The following MAGI2 variants were observed in gnomAD, a reference collection of about 807,000 sequenced individuals.
MAGI2 encodes the protein membrane associated guanylate kinase, WW and PDZ domain containing 2.
Under a neutral mutation model 133.3 loss-of-function variants are expected in MAGI2, and 35 were observed. The ratio of observed to expected loss-of-function variants is 0.26; its 90% CI spans 0.20 to 0.35. MAGI2 has a LOEUF of 0.35. MAGI2 is among the 10% of genes least tolerant of loss of function. MAGI2 has a pLI of 1.00. For missense variants in MAGI2, 1,636 were observed against 1,863.4 expected, an observed-to-expected ratio of 0.88 and a Z score of 2.25; for synonymous variants, 729 against 710.6, an observed-to-expected ratio of 1.03 and a Z score of -0.41.
chr7:79,028,318 CATATAT>C (rs59207768), intron 1 of MAGI2, among the ~76,000 whole-genome samples: 3 of 24,198 alleles, frequency 1.2e-4, no homozygotes, highest in African/African-American at 1.3e-4. Context: ...TATATACACA[CATATAT>C]ATACATATAT....
chr7:78,521,712 A>T lies in MAGI2; in HGVS notation c.539-67T>A, dbSNP rs1796520186. On this transcript the variant is annotated intron_variant, in intron 3 of 21. Transcript: ENST00000354212. ...TCTACCATGTACATAATTTGTGAAG[A>T]ATGGAAATTATATTAACACATTTTT... 3 of 1,345,536 alleles carry T rather than the reference A, an allele frequency of 2.2e-6. No homozygotes were observed. In the Admixed American group the frequency reaches 5.3e-5, roughly 24 times the overall value. The allele number at this position is 1,345,536 out of a possible 1,614,324, so 83.3% of individuals were successfully genotyped here. A position where few individuals can be genotyped will look rare whatever the true frequency, so the allele number is the denominator to read the frequency against.
chr7:79,433,099 T>C (rs977855617), intron 1 of MAGI2, among the ~76,000 whole-genome samples: 33 of 152,196 alleles, frequency 2.2e-4, no homozygotes, highest in African/African-American at 7.7e-4. Context: ...TTAAAGTTTG[T>C]CTTCGGAACA....
chr7:78,224,759 T>A (rs1389048077), intron 10 of MAGI2, among the ~76,000 whole-genome samples: 3 of 147,722 alleles, frequency 2.0e-5, no homozygotes, highest in Admixed American at 6.8e-5. Context: ...ATCAGGTAAA[T>A]AACAGACAGT....
chr7:79,192,458 G>T (rs1827755116), intron 1 of MAGI2, among the ~76,000 whole-genome samples: 1 of 151,676 alleles, frequency 6.6e-6, no homozygotes, highest in South Asian at 2.1e-4. Flanking sequence ...TATATTGAGG[G>T]TATATATAAA....
chr7:79,017,020 G>T (rs1469931870), intron 1 of MAGI2, among the ~76,000 whole-genome samples: 1 of 152,214 alleles, frequency 6.6e-6, no homozygotes, highest in Non-Finnish European at 1.5e-5. Flanking sequence ...CAACACTGCT[G>T]TTGCAAGTGC....
intron 1 of MAGI2, among the ~76,000 whole-genome samples, chr7:79,269,793 T>C (rs751373616): frequency 4.0e-4 from 61 of 152,244 alleles, no homozygotes; most frequent in Non-Finnish European, 8.4e-4. Flanking sequence ...AAAGCAAGGA[T>C]GATAATAGCC....
intron 20 of MAGI2, among the ~76,000 whole-genome samples, chr7:78,124,861 CTTTT>C (rs10707820): frequency 7.3e-6 from 1 of 137,424 alleles, no homozygotes; most frequent in Non-Finnish European, 1.6e-5. Context: ...TAGCTGCTGT[CTTTT>C]TTTTTTTTTT....
intron 6 of MAGI2, among the ~76,000 whole-genome samples, chr7:78,456,585 CCTG>C (rs2151496316): frequency 6.6e-6 from 1 of 152,260 alleles, no homozygotes; most frequent in African/African-American, 2.4e-5. Context: ...TTGTTGAACA[CCTG>C]CTATGTGCTA....
At chr7:79,266,084 G>A (rs1834436088) in intron 1 of MAGI2, among the ~76,000 whole-genome samples, 1 of 152,032 alleles carries the variant, frequency 6.6e-6, no homozygotes, top group African/African-American at 2.4e-5. Context: ...ACTTCATGCA[G>A]TTACAAGGAG....
chr7:78,182,433 T>A (rs1584295600), intron 13 of MAGI2, among the ~76,000 whole-genome samples: 1 of 152,210 alleles, frequency 6.6e-6, no homozygotes. Context: ...CAAGCACGTG[T>A]TAGCCATAGT....
intron 15 of MAGI2, among the ~76,000 whole-genome samples, chr7:78,164,290 A>G (rs1416605340): frequency 6.6e-6 from 1 of 152,224 alleles, no homozygotes; most frequent in Non-Finnish European, 1.5e-5. Context: ...GGATGACAGC[A>G]TTGCAGACAG....
At position 78,741,063 on chromosome 7, in the gene MAGI2, AT is replaced by A. The variant is rs369154632; in HGVS notation, c.419-113825del. On this transcript the variant is annotated intron_variant, in intron 2 of 21. Coordinates refer to ENST00000354212, the MANE Select transcript of MAGI2 (RefSeq NM_012301.4). ...TAGAAAAAAAGCAAAGAATGCAGCCATTTTTTTTCCATCCGGGAGTTTTTAA... is the reference window on the plus strand; with the variant it reads ...TAGAAAAAAAGCAAAGAATGCAGCCATTTTTTTCCATCCGGGAGTTTTTAA... Among the ~76,000 whole-genome samples, 1,094 of 152,050 alleles carry A rather than the reference AT, an allele frequency of 7.2e-3. 7 individuals carry two copies. Among genetic ancestry groups the A allele is most frequent in the African/African-American group, 0.025 (1,033 of 41,484 alleles).
chr7:78,594,386 A>G (rs1462092942), intron 3 of MAGI2, among the ~76,000 whole-genome samples: 1 of 152,240 alleles, frequency 6.6e-6, no homozygotes, highest in Non-Finnish European at 1.5e-5. Flanking sequence ...GAATGTAACA[A>G]AAGCCCACCA....
intron 1 of MAGI2, among the ~76,000 whole-genome samples, chr7:79,200,433 T>C (rs1296465606): frequency 2.8e-5 from 4 of 143,370 alleles, no homozygotes; most frequent in South Asian, 4.3e-4. Flanking sequence ...CGAAACCCCG[T>C]CTCTACAAAA....
intron 20 of MAGI2, among the ~76,000 whole-genome samples, chr7:78,125,338 A>C (rs554909707): frequency 6.6e-6 from 1 of 152,324 alleles, no homozygotes; most frequent in African/African-American, 2.4e-5. Context: ...ACAAAACTAA[A>C]AATAAATTTC....
Position 78,157,589 on chromosome 7 carries a change from G to A in MAGI2, c.2845+2436C>T, listed in dbSNP as rs115732897. On this transcript the variant is annotated intron_variant, in intron 16 of 21. Coordinates refer to ENST00000354212, the MANE Select transcript of MAGI2 (RefSeq NM_012301.4). ...AGGCTGTTATACTTCAAACAAAGCT[G>A]AGACTTTAACTACATGCTAAACACT... Among the ~76,000 whole-genome samples, 737 of 152,246 alleles carry A rather than the reference G, an allele frequency of 4.8e-3. 4 individuals carry two copies. The highest frequency in any genetic ancestry group is 0.017 in the African/African-American group (711 of 41,558).
At chr7:78,157,994 A>G (rs1027811993) in intron 16 of MAGI2, among the ~76,000 whole-genome samples, 5 of 152,204 alleles carry the variant, frequency 3.3e-5, no homozygotes, top group African/African-American at 9.6e-5. Flanking sequence ...TAAGCCAAAC[A>G]GGGCAATTCT....
chr7:78,907,192 T>C (rs1452078361), intron 2 of MAGI2, among the ~76,000 whole-genome samples: 1 of 152,188 alleles, frequency 6.6e-6, no homozygotes, highest in Non-Finnish European at 1.5e-5. Flanking sequence ...CCTCTTTAAA[T>C]GGCCTGAGAC....
intron 10 of MAGI2, among the ~76,000 whole-genome samples, chr7:78,246,129 C>T (rs1245189449): frequency 8.5e-5 from 13 of 152,100 alleles, no homozygotes; most frequent in Admixed American, 8.5e-4. Context: ...GCACTGCCTC[C>T]CAAGGAAACA....
Sources: allele counts gnomAD v4.1 joint callset (sites outside exome capture counted in the v4.1 genomes callset), GRCh38; gene constraint gnomAD v4.1.1; transcripts MANE v1.5; gene names NCBI Gene and HGNC (gene_info 2026-07-23, HGNC 2026-07-21).